THRB: variants seen among roughly 807,000 people sequenced by gnomAD.
The protein encoded by THRB is thyroid hormone receptor beta.
Under a neutral mutation model 47.8 loss-of-function variants are expected in THRB, and 12 were observed. That is an observed-to-expected ratio of 0.25 (90% CI 0.16 to 0.41). The LOEUF is 0.41. Among genes scored for constraint, THRB ranks in the 10% least tolerant of loss-of-function variants. THRB has a pLI of 1.00. For missense variants in THRB, 348 were observed against 589.2 expected, an observed-to-expected ratio of 0.59 and a Z score of 4.24; for synonymous variants, 218 against 212.2, an observed-to-expected ratio of 1.03 and a Z score of -0.24.
intron 1 of THRB, among the ~76,000 whole-genome samples, chr3:24,480,255 T>C (rs1167628984): frequency 2.6e-5 from 4 of 152,222 alleles, no homozygotes; most frequent in Middle Eastern, 3.2e-3. Context: ...GGAAAGCACA[T>C]GATCCTCAGG....
At chr3:24,416,934 AAC>A (rs1248158079) in intron 1 of THRB, among the ~76,000 whole-genome samples, 1 of 151,944 alleles carries the variant, frequency 6.6e-6, no homozygotes, top group South Asian at 2.1e-4. Context: ...AATGTTTGTG[AAC>A]ATGGACTCAA....
At position 24,231,388 on chromosome 3, in the gene THRB, G is replaced by GA. The variant is rs148871222; in HGVS notation, c.-42-2388dup. ...GTGGGGCGGAAAGTATCTAGGAATGGAAAAAATCTTAATTCTATATAAGAC... is the reference window on the plus strand; with the variant it reads ...GTGGGGCGGAAAGTATCTAGGAATGGAAAAAAATCTTAATTCTATATAAGAC... On this transcript the variant is annotated intron_variant, in intron 3 of 10. Coordinates refer to ENST00000646209, the MANE Select transcript of THRB (RefSeq NM_001354712.2). Among the ~76,000 whole-genome samples, 910 of 152,034 alleles carry GA rather than the reference G, an allele frequency of 6.0e-3. 3 individuals are homozygous for GA. The highest frequency in any genetic ancestry group is 0.021 in the African/African-American group (865 of 41,502).
At chr3:24,348,716 C>T (rs1303995143) in intron 1 of THRB, 1 of 152,106 alleles carries the variant, frequency 6.6e-6, no homozygotes, top group Non-Finnish European at 1.5e-5. Context: ...ATTTACTCTC[C>T]AATTTACAAC....
At chr3:24,402,394 A>G (rs1158995893) in intron 1 of THRB, among the ~76,000 whole-genome samples, 2 of 151,862 alleles carry the variant, frequency 1.3e-5, no homozygotes, top group Non-Finnish European at 2.9e-5. Flanking sequence ...TCTCTAATGC[A>G]TCTGTGCACT....
chr3:24,150,506 C>G lies in THRB; in HGVS notation c.384+1884G>C, dbSNP rs915220473. ...GAAAAAAAATCTAGATTTTGCTACA[C>G]GATTTCTTCTTTTAAGAAAACCTCA... On this transcript the variant is annotated intron_variant, in intron 6 of 10. Coordinates refer to ENST00000646209, the MANE Select transcript of THRB (RefSeq NM_001354712.2). Among the ~76,000 whole-genome samples the G allele has an allele frequency of 3.3e-5, 5 of 152,120 alleles. No homozygotes were observed. The East Asian group carries it at 9.6e-4, about 29-fold the overall frequency.
intron 3 of THRB, among the ~76,000 whole-genome samples, chr3:24,269,652 T>C (rs2053121456): frequency 6.6e-6 from 1 of 150,936 alleles, no homozygotes; most frequent in Non-Finnish European, 1.5e-5. Context: ...CCTCAGTTGG[T>C]CTCAGACTCC....
chr3:24,380,997 C>A (rs973708005), intron 1 of THRB, among the ~76,000 whole-genome samples: 1 of 151,854 alleles, frequency 6.6e-6, no homozygotes, highest in Non-Finnish European at 1.5e-5. Flanking sequence ...CACCTGTAGT[C>A]CCAGCTACTG....
intron 4 of THRB, among the ~76,000 whole-genome samples, chr3:24,205,835 GGCAGAGGTT>G (rs1174320175): frequency 6.6e-6 from 1 of 152,074 alleles, no homozygotes; most frequent in East Asian, 1.9e-4. Context: ...AACAAAAAAA[GGCAGAGGTT>G]GCAATCCTAG....
At chr3:24,290,062 G>A (rs1400390139) in intron 3 of THRB, among the ~76,000 whole-genome samples, 2 of 152,130 alleles carry the variant, frequency 1.3e-5, no homozygotes, top group African/African-American at 4.8e-5. Context: ...AATGAATTAG[G>A]TTGTGCTTTC....
intron 1 of THRB, among the ~76,000 whole-genome samples, chr3:24,424,981 TATC>T (rs1345977225): frequency 3.3e-5 from 5 of 151,992 alleles, no homozygotes; most frequent in Non-Finnish European, 7.4e-5. Context: ...CATATCAACA[TATC>T]ATATTTTTGG....
chr3:24,437,186 T>TAA lies in THRB; in HGVS notation c.-261+57464_-261+57465dup, dbSNP rs1029116505. On this transcript the variant is annotated intron_variant, in intron 1 of 10. Coordinates refer to ENST00000646209, the MANE Select transcript of THRB (RefSeq NM_001354712.2). ...ATATAACGAAATGTATATATATATA[T>TAA]AATGAAATATTATTCAGCCAAAAAC... Among the ~76,000 whole-genome samples the TAA allele has an allele frequency of 8.9e-4, 134 of 149,754 alleles. 1 individual carries two copies. The highest frequency in any genetic ancestry group is 1.6e-3 in the Non-Finnish European group (109 of 67,560).
intron 1 of THRB, among the ~76,000 whole-genome samples, chr3:24,446,668 G>A (rs2125471648): frequency 6.6e-6 from 1 of 152,124 alleles, no homozygotes; most frequent in Non-Finnish European, 1.5e-5. Flanking sequence ...TATAATTCAT[G>A]GAGCTTTATT....
chr3:24,216,049 C>T (rs1377782921), intron 4 of THRB, among the ~76,000 whole-genome samples: 7 of 151,874 alleles, frequency 4.6e-5, no homozygotes, highest in African/African-American at 1.5e-4. Flanking sequence ...CATTATTTTG[C>T]TAATAGACGC....
At position 24,158,586 on chromosome 3, in the gene THRB, G is replaced by T. The variant is rs370994613; in HGVS notation, c.284-6096C>A. Reference sequence around the variant, plus strand: ...TGGGATTACAGGTGCCTGCCACCACGCCCAGCTATTATTTGTTATTTTTAG... The same window carrying T: ...TGGGATTACAGGTGCCTGCCACCACTCCCAGCTATTATTTGTTATTTTTAG... On this transcript the variant is annotated intron_variant, in intron 5 of 10. Transcript: ENST00000646209. Among the ~76,000 whole-genome samples the T allele has an allele frequency of 2.8e-4, 43 of 152,010 alleles. No homozygotes were observed. The East Asian group carries it at 6.0e-3, about 21-fold the overall frequency.
chr3:24,493,549 A>C (rs1471818987), intron 1 of THRB, among the ~76,000 whole-genome samples: 1 of 152,246 alleles, frequency 6.6e-6, no homozygotes, highest in Admixed American at 6.5e-5. Flanking sequence ...TAATGTGCTG[A>C]GGAAGAAGGT....
intron 5 of THRB, among the ~76,000 whole-genome samples, chr3:24,186,415 G>C (rs1368006151): frequency 1.3e-5 from 2 of 150,020 alleles, no homozygotes; most frequent in South Asian, 2.1e-4. Context: ...TGCCAAGGAA[G>C]TGTGGCATGG....
At chr3:24,292,542 C>G (rs1264082571) in intron 3 of THRB, among the ~76,000 whole-genome samples, 1 of 152,140 alleles carries the variant, frequency 6.6e-6, no homozygotes, top group Non-Finnish European at 1.5e-5. Context: ...CCACTGTGTG[C>G]ATCACCTTGT....
chr3:24,168,352 T>C (rs1286073925), intron 5 of THRB, among the ~76,000 whole-genome samples: 2 of 152,062 alleles, frequency 1.3e-5, no homozygotes, highest in African/African-American at 2.4e-5. Flanking sequence ...TCAGTGAGGT[T>C]GTTGTCTTAT....
At chr3:24,128,435 A>G (rs2148843087) in intron 9 of THRB, among the ~76,000 whole-genome samples, 1 of 152,354 alleles carries the variant, frequency 6.6e-6, no homozygotes. Context: ...TCTTTCTGCC[A>G]GTGTTGCAAT....
Sources: gnomAD v4.1 joint callset for allele counts (sites outside exome capture counted in the v4.1 genomes callset) on GRCh38, gnomAD v4.1.1 for gene constraint, MANE v1.5 for transcripts, NCBI Gene and HGNC (gene_info 2026-07-23, HGNC 2026-07-21) for gene names.